The following FGD5 variants were observed in gnomAD, a reference collection of about 807,000 sequenced individuals.
FGD5 encodes the protein FYVE, RhoGEF and PH domain-containing protein 5.
A neutral mutation model predicts 133.4 loss-of-function variants in FGD5; 28 were observed. The observed-to-expected ratio is 0.21, with a 90% CI of 0.16 to 0.29. FGD5 has a LOEUF of 0.29. Among genes scored for constraint, FGD5 ranks in the 10% least tolerant of loss-of-function variants. FGD5 has a pLI of 1.00. For missense variants in FGD5, 1,858 were observed against 1,895.2 expected, an observed-to-expected ratio of 0.98 and a Z score of 0.36; for synonymous variants, 810 against 776.5, an observed-to-expected ratio of 1.04 and a Z score of -0.72.
intron 18 of FGD5, among the ~76,000 whole-genome samples, chr3:14,927,363 C>T (rs960500958): frequency 1.6e-4 from 24 of 152,242 alleles, no homozygotes; most frequent in African/African-American, 4.3e-4. Flanking sequence ...TGGTGGTTCA[C>T]GCCTGTAATC....
At chr3:14,915,094 G>A (rs574485823) in intron 11 of FGD5, among the ~76,000 whole-genome samples, 10 of 152,368 alleles carry the variant, frequency 6.6e-5, no homozygotes, top group East Asian at 1.9e-4. Flanking sequence ...GGCTGGAGGC[G>A]GAGGCCTGAA....
intron 2 of FGD5, among the ~76,000 whole-genome samples, chr3:14,873,255 G>A (rs2037646683): frequency 6.6e-6 from 1 of 152,148 alleles, no homozygotes; most frequent in African/African-American, 2.4e-5. Context: ...AGTCAGTTGA[G>A]GAGTTTAGGA....
At chr3:14,840,039 A>G (rs879723402) in intron 1 of FGD5, among the ~76,000 whole-genome samples, 1 of 152,130 alleles carries the variant, frequency 6.6e-6, no homozygotes, top group African/African-American at 2.4e-5. Context: ...ACATTCTCAC[A>G]TCACTGAGTC....
At chr3:14,843,047 G>A (rs183862702) in intron 1 of FGD5, among the ~76,000 whole-genome samples, 12 of 152,278 alleles carry the variant, frequency 7.9e-5, no homozygotes, top group African/African-American at 2.9e-4. Context: ...TATATTTCTT[G>A]TTCTTAATTT....
chr3:14,864,111 C>A lies in FGD5; in HGVS notation c.2526-17C>A. 1 of 1,608,534 alleles carries A rather than the reference C, an allele frequency of 6.2e-7. No homozygotes were observed. Among genetic ancestry groups the A allele is most frequent in the South Asian group, 1.1e-5 (1 of 90,518 alleles). On this transcript the variant is annotated splice_polypyrimidine_tract_variant and intron_variant, in intron 1 of 19. Transcript: ENST00000285046. ...AAACAAAAAGCTTTAACCCTTCTTTCCCCTGCTTTGACCCAGCGCCTACAC... is the reference window on the plus strand; with the variant it reads ...AAACAAAAAGCTTTAACCCTTCTTTACCCTGCTTTGACCCAGCGCCTACAC...
intron 1 of FGD5, among the ~76,000 whole-genome samples, chr3:14,836,028 G>A (rs1077535): frequency 0.53 from 81,009 of 152,024 alleles, 22,052 homozygotes; most frequent in Non-Finnish European, 0.57. Flanking sequence ...GCTCCAGAGC[G>A]CTGTCCAGGA....
intron 11 of FGD5, among the ~76,000 whole-genome samples, chr3:14,912,841 C>T (rs2038477256): frequency 1.3e-5 from 2 of 152,048 alleles, no homozygotes; most frequent in African/African-American, 4.8e-5. Flanking sequence ...TCAAGACCAG[C>T]CTGGTGAACA....
chr3:14,852,855 A>G (rs1044578821), intron 1 of FGD5, among the ~76,000 whole-genome samples: 11 of 152,108 alleles, frequency 7.2e-5, no homozygotes, highest in African/African-American at 2.7e-4. Context: ...TTCAGACACG[A>G]CGAGGCACCA....
intron 1 of FGD5, among the ~76,000 whole-genome samples, chr3:14,846,833 G>A (rs1486103617): frequency 1.3e-5 from 2 of 152,220 alleles, no homozygotes; most frequent in Non-Finnish European, 2.9e-5. Flanking sequence ...CGGGAAGAAT[G>A]AACCATGATG....
chr3:14,866,309 T>C (rs1328244560), intron 2 of FGD5, among the ~76,000 whole-genome samples: 1 of 152,080 alleles, frequency 6.6e-6, no homozygotes, highest in Non-Finnish European at 1.5e-5. Context: ...GTAGTAATTA[T>C]CTGTTGTTTC....
chr3:14,829,992 A>G (rs1047976905), intron 1 of FGD5, among the ~76,000 whole-genome samples: 7 of 152,206 alleles, frequency 4.6e-5, no homozygotes, highest in African/African-American at 1.4e-4. Flanking sequence ...TCAGCTATCA[A>G]TGCTCGGTGG....
At chr3:14,824,008 T>C (rs2036556067) in intron 1 of FGD5, among the ~76,000 whole-genome samples, 1 of 152,250 alleles carries the variant, frequency 6.6e-6, no homozygotes. Context: ...CGTTTGATGC[T>C]ACAGCCTAGG....
At chr3:14,916,372 A>C (rs893831018) in intron 11 of FGD5, among the ~76,000 whole-genome samples, 2 of 152,208 alleles carry the variant, frequency 1.3e-5, no homozygotes, top group Admixed American at 1.3e-4. Flanking sequence ...CTAAGGAGAT[A>C]AAGTGACTTT....
intron 11 of FGD5, among the ~76,000 whole-genome samples, chr3:14,916,756 T>C (rs1005197514): frequency 2.0e-5 from 3 of 152,214 alleles, no homozygotes. Flanking sequence ...CTTTTGTCCC[T>C]ATTTAGATTA....
At chr3:14,901,738 A>G (rs1013558275) in intron 9 of FGD5, among the ~76,000 whole-genome samples, 3 of 152,202 alleles carry the variant, frequency 2.0e-5, no homozygotes, top group Non-Finnish European at 4.4e-5. Flanking sequence ...AGGAGGTGCT[A>G]TACTTTGCTG....
At chr3:14,891,357 G>A (rs1330880605) in intron 4 of FGD5, among the ~76,000 whole-genome samples, 4 of 152,126 alleles carry the variant, frequency 2.6e-5, no homozygotes, top group African/African-American at 9.7e-5. Flanking sequence ...CTCACCTCCT[G>A]TGCCCTCTAA....
Position 14,821,435 on chromosome 3 carries a change from G to A in FGD5, c.2364G>A (p.Gln788=). The A allele has an allele frequency of 6.2e-7, 1 of 1,614,008 alleles. No homozygotes were observed. Among genetic ancestry groups the A allele is most frequent in the Non-Finnish European group, 8.5e-7 (1 of 1,179,890 alleles). The change falls in exon 1 of 20, where the codon CAG becomes CAA. Residue 788 remains glutamine (Q), a synonymous_variant. Coordinates refer to ENST00000285046, the MANE Select transcript of FGD5 (RefSeq NM_152536.4). ...TGAACTCGGACTATGAGAATATCCA[G>A]ATTCCACCCCGGAGACCTGCCAGGG... ...PAMNSDYENI[Q]IPPRRPARAG...
At chr3:14,860,417 A>G (rs1034246137) in intron 1 of FGD5, among the ~76,000 whole-genome samples, 1 of 152,232 alleles carries the variant, frequency 6.6e-6, no homozygotes, top group Non-Finnish European at 1.5e-5. Flanking sequence ...AGGACAGTGA[A>G]ATAAATGAGC....
In FGD5 at chr3:14,819,896, TGAG is replaced by T. The variant is rs752375596; in HGVS notation, c.830_832del (p.Glu277del). The T allele has an allele frequency of 5.7e-5, 92 of 1,613,422 alleles. No homozygotes were observed. The African/African-American group carries it at 1.1e-3, about 19-fold the overall frequency. On this transcript the variant is annotated inframe_deletion, in exon 1 of 20. Transcript: ENST00000285046. The surrounding 1 kb of genome is among the most constrained non-coding windows in gnomAD (Gnocchi z 4.1). ...CAGCCACAGACTGCCCTGAAGTTCT[TGAG>T]GAGGGATGTGAAGAGGCCACGGGTG... is the stretch of plus-strand genomic sequence containing the variant.
Sources: gnomAD v4.1 joint callset for allele counts (sites outside exome capture counted in the v4.1 genomes callset) on GRCh38, gnomAD v4.1.1 for gene constraint, Gnocchi (gnomAD v3.1) non-coding constraint, MANE v1.5 for transcripts, NCBI Gene and HGNC (gene_info 2026-07-23, HGNC 2026-07-21) for gene names.